IPO8: variants seen among roughly 807,000 people sequenced by gnomAD.
The protein encoded by IPO8 is importin 8.
IPO8 carries 65 observed loss-of-function variants against 141.2 expected under a neutral mutation model. The observed-to-expected ratio is 0.46, with a 90% confidence interval of 0.38 to 0.57. IPO8 has a LOEUF of 0.57. Among genes scored for constraint, IPO8 ranks in the 20% least tolerant of loss-of-function variants. The pLI is 0.00. For synonymous variants in IPO8, 411 were observed against 420.3 expected (o/e 0.98, Z 0.27); for missense variants, 980 against 1,246.8 (o/e 0.79, Z 3.22).
rs79690683 is a variant in IPO8, at chr12:30,663,441, G to A, written c.1594+48C>T. ...AGATGCATCTTCATTAGGGAAGAAA[G>A]TAAATGAAATTATTTGAGAAGATGT... On this transcript the variant is annotated intron_variant, in intron 14 of 24. Coordinates refer to ENST00000256079, the MANE Select transcript of IPO8 (RefSeq NM_006390.4). 8,169 of 1,497,830 alleles carry A rather than the reference G, an allele frequency of 5.5e-3. 351 individuals are homozygous for A. In the African/African-American group the frequency reaches 0.099, roughly 18 times the overall value. The allele number at this position is 1,497,830 out of a possible 1,614,324, so 92.8% of individuals were successfully genotyped here.
At chr12:30,634,528 C>T (rs1172211468) in intron 22 of IPO8, among the ~76,000 whole-genome samples, 2 of 152,018 alleles carry the variant, frequency 1.3e-5, no homozygotes, top group Non-Finnish European at 2.9e-5. Flanking sequence ...TGTCCTTATC[C>T]TCCTCACTGA....
intron 16 of IPO8, among the ~76,000 whole-genome samples, chr12:30,658,959 C>A (rs145067319): frequency 7.1e-6 from 1 of 140,794 alleles, no homozygotes; most frequent in Non-Finnish European, 1.5e-5. Flanking sequence ...CGGCTCATTG[C>A]GAGCTCCGCC....
chr12:30,649,111 T>A, intron 20 of IPO8, 26 bp downstream of exon 20: 1 of 1,476,418 alleles, frequency 6.8e-7, no homozygotes, highest in Non-Finnish European at 9.4e-7. Flanking sequence ...AACCCTCAAG[T>A]AAGGCACTTT....
rs7970240 is a variant in IPO8, at chr12:30,639,160, T to C, written c.2489+355A>G. ...TATCTTTGCCAGAGGGGTACCATCCTTAGAAATCCAACTCCATTTAGAATG... is the reference window on the plus strand; with the variant it reads ...TATCTTTGCCAGAGGGGTACCATCCCTAGAAATCCAACTCCATTTAGAATG... On this transcript the variant is annotated intron_variant, in intron 21 of 24. Coordinates refer to ENST00000256079, the MANE Select transcript of IPO8 (RefSeq NM_006390.4). 6.6e-3 allele frequency among the ~76,000 whole-genome samples: 1,009 copies of C among 152,264 alleles called. 6 individuals carry two copies. The highest frequency in any genetic ancestry group is 0.023 in the African/African-American group (961 of 41,542).
chr12:30,695,491 G>C lies in IPO8; in HGVS notation c.84+73C>G, dbSNP rs2053330056. 27 of 1,355,330 alleles carry C rather than the reference G, an allele frequency of 2.0e-5. No individual in the cohort carries two copies. The South Asian group carries it at 2.6e-4, about 13-fold the overall frequency. 84.0% of individuals were successfully genotyped at this position (1,355,330 alleles called of 1,614,324 possible). A position where few individuals can be genotyped will look rare whatever the true frequency, so the allele number is the denominator to read the frequency against. On this transcript the variant is annotated intron_variant, in intron 1 of 24. Transcript: ENST00000256079. The surrounding 1 kb of genome is among the most constrained non-coding windows in gnomAD (Gnocchi z 4.2). ...GTGGGGGTGAGGACGAGGGGCGCCG[G>C]GGAGAGGGAGCCCGGCCAGCCGGCA...
At chr12:30,660,466 G>A (rs558311103) in intron 16 of IPO8, among the ~76,000 whole-genome samples, 1 of 152,134 alleles carries the variant, frequency 6.6e-6, no homozygotes, top group Non-Finnish European at 1.5e-5. Context: ...CAACTTACTA[G>A]CTCTGGGACC....
rs1369574841 is a variant in IPO8 at position 30,634,213 on chromosome 12, T to C, written c.2769A>G (p.Glu923=). The change falls in exon 23 of 25, where the codon GAA becomes GAG. Residue 923 remains glutamate (E), a synonymous_variant. Transcript: ENST00000256079. ...AGTCATCATCTTCCTCCTCCTCATC[T>C]TCACCTCTTCCATTATTTGACTGCA... The part of the protein sequence containing the change: ...QAMQSNNGRG[E]DEEEEDDDWD... 28 of 1,613,904 alleles carry C rather than the reference T, an allele frequency of 1.7e-5. No individual in the cohort carries two copies. In the Admixed American group the frequency reaches 4.5e-4, roughly 26 times the overall value.
rs371835440 is a variant in IPO8, at chr12:30,636,989, T to C, written c.2688A>G (p.Glu896=). 8.7e-6 allele frequency: 14 copies of C among 1,613,314 alleles called. No homozygotes were observed. The African/African-American group carries it at 1.7e-4, about 20-fold the overall frequency. Residue 896 remains glutamate, a synonymous_variant, in exon 22 of 25, where the codon GAA becomes GAG. Transcript: ENST00000256079. ...DRSKAEKADM[E]ENEEISSDEE... Reference sequence around the variant, plus strand: ...TCAATTAGAAGACTTTACCATTTTCTTCCATATCAGCTTTCTCTGCTTTTG... The same window carrying C: ...TCAATTAGAAGACTTTACCATTTTCCTCCATATCAGCTTTCTCTGCTTTTG...
intron 22 of IPO8, among the ~76,000 whole-genome samples, chr12:30,636,626 A>G (rs2052505725): frequency 6.6e-6 from 1 of 152,164 alleles, no homozygotes; most frequent in Admixed American, 6.5e-5. Context: ...CATTTAACTC[A>G]TGGCTACTGC....
chr12:30,694,864 G>A (rs2053322189), intron 1 of IPO8: 1 of 389,960 alleles, frequency 2.6e-6, no homozygotes, highest in Non-Finnish European at 5.2e-6. Context: ...ATTTTGAAGT[G>A]TGGGGGTAAC....
intron 16 of IPO8, among the ~76,000 whole-genome samples, chr12:30,658,238 C>G (rs1368278705): frequency 8.4e-4 from 128 of 152,176 alleles, no homozygotes; most frequent in Admixed American, 8.3e-3. Context: ...TTTAGATTCA[C>G]AATTTTGTGT....
At chr12:30,693,666 TG>T (rs2053311611) in intron 1 of IPO8, among the ~76,000 whole-genome samples, 1 of 152,220 alleles carries the variant, frequency 6.6e-6, no homozygotes, top group South Asian at 2.1e-4. Flanking sequence ...CACTGTTAGG[TG>T]ACATTATATT....
chr12:30,631,155 C>T (rs1334446555), intron 24 of IPO8, among the ~76,000 whole-genome samples, 198 bp from the exon 25 acceptor site: 1 of 152,084 alleles, frequency 6.6e-6, no homozygotes, highest in African/African-American at 2.4e-5. Context: ...TCACTACCAT[C>T]GGAAAATCTG....
rs1295008114 is a variant in IPO8 at position 30,653,109 on chromosome 12, C to T, written c.1949-17G>A. 6.2e-7 allele frequency: 1 copy of T among 1,604,640 alleles called. No homozygotes were observed. Among genetic ancestry groups the T allele is most frequent in the African/African-American group, 1.3e-5 (1 of 74,464 alleles). On this transcript the variant is annotated splice_polypyrimidine_tract_variant and intron_variant, in intron 17 of 24. Coordinates refer to ENST00000256079, the MANE Select transcript of IPO8 (RefSeq NM_006390.4). ...CATAGAATTCTAGAAGAAAGAAAAT[C>T]TCTAGTTAGAATGCTAGGAAATAGC...
chr12:30,676,676 A>G, intron 5 of IPO8, 89 bp from the exon 6 acceptor site: 1 of 917,958 alleles, frequency 1.1e-6, no homozygotes, highest in Non-Finnish European at 1.8e-6. Flanking sequence ...AAAATATATG[A>G]AAGGGCTAAC....
intron 5 of IPO8, among the ~76,000 whole-genome samples, chr12:30,679,358 C>T (rs1342443115): frequency 2.6e-5 from 4 of 152,078 alleles, no homozygotes; most frequent in Non-Finnish European, 5.9e-5. Flanking sequence ...AAGATTCTGT[C>T]GTCTTAGCAA....
At chr12:30,688,089 G>C (rs1200720398) in intron 2 of IPO8, among the ~76,000 whole-genome samples, 1 of 152,036 alleles carries the variant, frequency 6.6e-6, no homozygotes, top group African/African-American at 2.4e-5. Flanking sequence ...ATATATTAGA[G>C]AAATTTTACT....
intron 7 of IPO8, among the ~76,000 whole-genome samples, chr12:30,674,321 G>T (rs2053090234): frequency 6.6e-6 from 1 of 151,994 alleles, no homozygotes; most frequent in South Asian, 2.1e-4. Context: ...GGTGAATATT[G>T]GAAATTAAAA....
intron 22 of IPO8, among the ~76,000 whole-genome samples, chr12:30,635,290 A>G (rs184660629): frequency 6.8e-4 from 104 of 152,204 alleles, no homozygotes; most frequent in Non-Finnish European, 1.1e-3. Context: ...GTATATGTAC[A>G]TTTCAAAATT....
Sources: gnomAD v4.1 joint callset for allele counts (sites outside exome capture counted in the v4.1 genomes callset) on GRCh38, gnomAD v4.1.1 for gene constraint, Gnocchi (gnomAD v3.1) non-coding constraint, MANE v1.5 for transcripts, NCBI Gene and HGNC (gene_info 2026-07-23, HGNC 2026-07-21) for gene names.